PGM5: variants seen among roughly 807,000 people sequenced by gnomAD.
PGM5 encodes phosphoglucomutase-like protein 5.
Under a neutral mutation model 59.2 loss-of-function variants are expected in PGM5, and 23 were observed. The observed-to-expected ratio is 0.39, with a 90% CI of 0.28 to 0.55. The LOEUF (loss-of-function observed/expected upper bound fraction) is 0.55, where lower values mean the gene tolerates loss of function less well. Among genes scored for constraint, PGM5 ranks in the 20% least tolerant of loss-of-function variants. The pLI is 0.66. For synonymous variants in PGM5, 214 were observed against 286.0 expected (o/e 0.75, Z 2.54); for missense variants, 574 against 748.3 (o/e 0.77, Z 2.72).
At chr9:68,378,863 G>A (rs1408790801) in intron 2 of PGM5, among the ~76,000 whole-genome samples, 1 of 151,718 alleles carries the variant, frequency 6.6e-6, no homozygotes, top group Non-Finnish European at 1.5e-5. Context: ...TATAGTTTGG[G>A]GGTCCTTAGT....
chr9:68,409,754 T>A (rs1232456851), intron 6 of PGM5, among the ~76,000 whole-genome samples: 14 of 131,078 alleles, frequency 1.1e-4, no homozygotes, highest in Non-Finnish European at 1.6e-5. Flanking sequence ...AGGGATAGCA[T>A]TGGGAGATAT....
chr9:68,524,813 G>A (rs1438839287), intron 10 of PGM5, among the ~76,000 whole-genome samples: 1 of 152,164 alleles, frequency 6.6e-6, no homozygotes, highest in African/African-American at 2.4e-5. Context: ...CTGTATGATG[G>A]AAAATGCAGT....
chr9:68,373,007 G>C (rs1457980950), intron 1 of PGM5, among the ~76,000 whole-genome samples: 5 of 151,872 alleles, frequency 3.3e-5, no homozygotes, highest in African/African-American at 1.2e-4. Context: ...ATTTCAATAT[G>C]AGATTTGGAG....
rs1823666279 is a variant in PGM5, at chr9:68,449,750, G to A, written c.1044-15343G>A. Among the ~76,000 whole-genome samples, 3 of 152,344 alleles carry A rather than the reference G, an allele frequency of 2.0e-5. No homozygotes were observed. The South Asian group carries it at 6.2e-4, about 32-fold the overall frequency. On this transcript the variant is annotated intron_variant, in intron 6 of 10. Transcript: ENST00000396396. ...AGGTTTGTCTACCCAAGGAGCCAGA[G>A]CTTGTTTCACTCTACTGCACAGCCT...
At chr9:68,517,260 C>T (rs1008426948) in intron 10 of PGM5, among the ~76,000 whole-genome samples, 3 of 152,032 alleles carry the variant, frequency 2.0e-5, no homozygotes, top group Non-Finnish European at 2.9e-5. Context: ...TAATAGGGGA[C>T]GGGGAGGACT....
chr9:68,514,846 A>G (rs1444309456), intron 10 of PGM5, among the ~76,000 whole-genome samples: 1 of 152,194 alleles, frequency 6.6e-6, no homozygotes, highest in African/African-American at 2.4e-5. Flanking sequence ...AACCCAGACA[A>G]ATGTGCCAAG....
At chr9:68,394,545 A>G (rs1822450250) in intron 6 of PGM5, 1 of 151,950 alleles carries the variant, frequency 6.6e-6, no homozygotes, top group East Asian at 1.9e-4. Context: ...CATTGGGCAA[A>G]CCATTCAAAA....
At chr9:68,456,796 T>G (rs935969261) in intron 6 of PGM5, among the ~76,000 whole-genome samples, 2 of 151,970 alleles carry the variant, frequency 1.3e-5, no homozygotes, top group Non-Finnish European at 2.9e-5. Flanking sequence ...GGCTAATTTT[T>G]TGTATTTTTA....
chr9:68,359,323 C>G (rs2131968249), intron 1 of PGM5, among the ~76,000 whole-genome samples: 1 of 152,230 alleles, frequency 6.6e-6, no homozygotes, highest in East Asian at 1.9e-4. Context: ...TTATAAAGGA[C>G]AGATGACAAA....
intron 6 of PGM5, among the ~76,000 whole-genome samples, chr9:68,413,497 G>A (rs1322739251): frequency 1.3e-5 from 2 of 152,262 alleles, no homozygotes; most frequent in East Asian, 3.9e-4. Context: ...CTAACTTTCA[G>A]AATCACTTAC....
chr9:68,375,752 A>C (rs1821862159), intron 1 of PGM5, among the ~76,000 whole-genome samples: 1 of 152,228 alleles, frequency 6.6e-6, no homozygotes, highest in Non-Finnish European at 1.5e-5. Context: ...AGGGTGAAGG[A>C]AATAGGAAAC....
At chr9:68,403,489 C>G (rs1198764650) in intron 6 of PGM5, among the ~76,000 whole-genome samples, 7 of 151,446 alleles carry the variant, frequency 4.6e-5, no homozygotes, top group African/African-American at 1.5e-4. Flanking sequence ...AAACCGGTCC[C>G]TGGTGCCAAA....
intron 6 of PGM5, among the ~76,000 whole-genome samples, chr9:68,423,904 A>G (rs1002740625): frequency 1.4e-4 from 21 of 152,180 alleles, no homozygotes; most frequent in African/African-American, 4.6e-4. Context: ...GAGAAACAGA[A>G]TGTACCTAAA....
At chr9:68,407,699 A>G (rs1178365278) in intron 6 of PGM5, among the ~76,000 whole-genome samples, 1 of 152,200 alleles carries the variant, frequency 6.6e-6, no homozygotes, top group Non-Finnish European at 1.5e-5. Flanking sequence ...TTGACTTTGT[A>G]TTGCCCACAC....
At chr9:68,459,619 C>T (rs1156889811) in intron 6 of PGM5, among the ~76,000 whole-genome samples, 1 of 152,166 alleles carries the variant, frequency 6.6e-6, no homozygotes, top group Non-Finnish European at 1.5e-5. Flanking sequence ...TACTAATTTG[C>T]ATCCCTTCAA....
intron 1 of PGM5, among the ~76,000 whole-genome samples, chr9:68,369,352 G>A (rs1241408342): frequency 6.6e-6 from 1 of 152,096 alleles, no homozygotes; most frequent in Non-Finnish European, 1.5e-5. Flanking sequence ...GCTTACCTCA[G>A]GGCACTCAAC....
At chr9:68,357,614 G>A in intron 1 of PGM5, 1 of 678,336 alleles carries the variant, frequency 1.5e-6, no homozygotes, top group East Asian at 3.0e-5. Context: ...GCCCCCAAAA[G>A]CCTTGAGGGG....
intron 6 of PGM5, chr9:68,397,391 T>C (rs1255588596): frequency 1.3e-5 from 2 of 152,270 alleles, no homozygotes; most frequent in African/African-American, 4.8e-5. Context: ...TCACTAGACA[T>C]ATTTACAGTC....
intron 4 of PGM5, among the ~76,000 whole-genome samples, chr9:68,388,430 C>T (rs1200913066): frequency 2.0e-5 from 3 of 149,850 alleles, no homozygotes; most frequent in African/African-American, 4.9e-5. Context: ...CCCACTCTGC[C>T]CTGGTTGCTC....
Sources: gnomAD v4.1 joint callset for allele counts (sites outside exome capture counted in the v4.1 genomes callset) on GRCh38, gnomAD v4.1.1 for gene constraint, MANE v1.5 for transcripts, NCBI Gene and HGNC (gene_info 2026-07-23, HGNC 2026-07-21) for gene names.